The following TAF4 variants were observed in gnomAD, a reference collection of about 807,000 sequenced individuals.
TAF4 encodes transcription initiation factor TFIID subunit 4.
TAF4 carries 9 observed loss-of-function variants against 90.3 expected under a neutral mutation model. The ratio of observed to expected loss-of-function variants is 0.10; its 90% CI spans 0.06 to 0.17. TAF4 has a LOEUF of 0.17. Ranked by LOEUF, TAF4 falls within the 10% of genes least tolerant of loss-of-function variation. The probability of loss-of-function intolerance (pLI) is 1.00; values close to 1 mark genes in which losing one functional copy is unlikely to be tolerated. For synonymous variants in TAF4, 818 were observed against 638.9 expected (o/e 1.28, Z -4.23); for missense variants, 1,351 against 1,370.7 (o/e 0.99, Z 0.23).
Position 62,065,826 on chromosome 20 carries a change from G to T in TAF4, c.-16C>A. On this transcript the variant is annotated 5_prime_UTR_variant, in exon 1 of 15. Coordinates refer to ENST00000252996, the MANE Select transcript of TAF4 (RefSeq NM_003185.4). ...CCGCCGCCATCTTTTTTCCTCGGCC[G>T]CCGCCGCCGCCGCCGCTCGGGCCGA... 2 of 1,257,632 alleles carry T rather than the reference G, an allele frequency of 1.6e-6. No individual in the cohort carries two copies. Among genetic ancestry groups the T allele is most frequent in the East Asian group, 5.9e-5 (1 of 17,042 alleles). The allele number at this position is 1,257,632 out of a possible 1,614,324, so 77.9% of individuals were successfully genotyped here. A position where few individuals can be genotyped will look rare whatever the true frequency, so the allele number is the denominator to read the frequency against.
chr20:61,976,383 G>C, intron 14 of TAF4, 48 bp from the exon 15 acceptor site: 1 of 1,599,888 alleles, frequency 6.3e-7, no homozygotes, highest in Non-Finnish European at 8.5e-7. Context: ...GCTCAGAGTG[G>C]GGCTTGCAAT....
chr20:62,041,768 A>C (rs925100614), intron 1 of TAF4, among the ~76,000 whole-genome samples: 9 of 133,012 alleles, frequency 6.8e-5, no homozygotes, highest in African/African-American at 2.8e-4. Context: ...CCTTCTCTCT[A>C]AAAAAAAAAA....
At chr20:62,025,741 T>A (rs571161857) in intron 1 of TAF4, among the ~76,000 whole-genome samples, 1 of 152,350 alleles carries the variant, frequency 6.6e-6, no homozygotes, top group South Asian at 2.1e-4. Context: ...TATTTTTTTA[T>A]AGCAATGTAA....
chr20:62,007,510 CCCT>C (rs747797193), intron 6 of TAF4, 34 bp downstream of exon 6: 2 of 1,599,228 alleles, frequency 1.3e-6, no homozygotes, highest in Non-Finnish European at 1.7e-6. Context: ...CCCTCCCTGG[CCCT>C]ACTGCTCGCA....
At chr20:62,035,436 CG>C (rs1296793989) in intron 1 of TAF4, among the ~76,000 whole-genome samples, 1 of 152,104 alleles carries the variant, frequency 6.6e-6, no homozygotes, top group Non-Finnish European at 1.5e-5. Flanking sequence ...ATGTTACAGA[CG>C]GGCCATGGAG....
In TAF4 at chr20:62,006,523, T is replaced by G; in HGVS notation, c.2210A>C (p.Gln737Pro). The G allele has an allele frequency of 6.5e-7, 1 of 1,537,260 alleles. No homozygotes were observed. Among genetic ancestry groups the G allele is most frequent in the African/African-American group, 1.4e-5 (1 of 71,834 alleles). ...CCCCTTCCATACCAGCGGTGTGGGT[T>G]GCCCCTGCTTGCCGACGCCGACCTG... ...PTQVGVGKQG[Q>P]PTPLVIQQPP... is the part of the protein sequence containing the mutation. The change falls in exon 7 of 15, where the codon CAA becomes CCA. Residue 737 changes from glutamine to proline, a missense_variant. Physicochemically the swap from Gln to Pro is moderately conservative, Grantham distance 76. Around this residue, in one of 9 missense-constraint regions of TAF4, gnomAD observed 202 missense variants for 229.7 expected, o/e 0.88. Transcript: ENST00000252996. This position sits in a 1 kb window ranked among gnomAD's most constrained non-coding sequence, Gnocchi z 7.0.
intron 1 of TAF4, among the ~76,000 whole-genome samples, chr20:62,025,375 ACT>A (rs2055868919): frequency 6.6e-6 from 1 of 152,194 alleles, no homozygotes; most frequent in Non-Finnish European, 1.5e-5. Flanking sequence ...AGCACAGATG[ACT>A]CTCAAATAAT....
intron 1 of TAF4, among the ~76,000 whole-genome samples, chr20:62,064,091 G>A (rs1327911361): frequency 1.3e-5 from 2 of 152,236 alleles, no homozygotes; most frequent in African/African-American, 2.4e-5. Context: ...CTGGCCCAGG[G>A]AGCCCCTGCG....
intron 14 of TAF4, among the ~76,000 whole-genome samples, chr20:61,977,242 A>G (rs140183438): frequency 0.019 from 2,646 of 136,406 alleles, 113 homozygotes; most frequent in African/African-American, 0.069. Context: ...CGGGGCGCGC[A>G]CCACACACAC....
chr20:62,050,228 C>T (rs766423952), intron 1 of TAF4, among the ~76,000 whole-genome samples: 9 of 152,130 alleles, frequency 5.9e-5, no homozygotes. Context: ...GGAAGGGCTC[C>T]TCCCCCACAT....
rs1163706064 is a variant in TAF4 at position 62,034,135 on chromosome 20, CA to C, written c.1361-19429del. ...CCCCAACAAGCCCAATACCAGAAGA[CA>C]ACAAGGGAATGAAGCACAGGACGTC... On this transcript the variant is annotated intron_variant, in intron 1 of 14. Coordinates refer to ENST00000252996, the MANE Select transcript of TAF4 (RefSeq NM_003185.4). Among the ~76,000 whole-genome samples, 5 of 151,984 alleles carry C rather than the reference CA, an allele frequency of 3.3e-5. No individual in the cohort carries two copies. The East Asian group carries it at 9.7e-4, about 29-fold the overall frequency.
intron 5 of TAF4, among the ~76,000 whole-genome samples, chr20:62,008,581 C>T (rs768178557): frequency 2.0e-5 from 3 of 151,876 alleles, no homozygotes; most frequent in Non-Finnish European, 4.4e-5. Flanking sequence ...GCCACTGGAG[C>T]GCGAATGTGC....
At chr20:61,982,223 C>G (rs2055550547) in intron 14 of TAF4, among the ~76,000 whole-genome samples, 1 of 7,818 alleles carries the variant, frequency 1.3e-4, no homozygotes, top group African/African-American at 4.6e-4. Context: ...ACCAAACCCA[C>G]ACCCACTGAG....
Position 62,010,507 on chromosome 20 carries a change from A to C in TAF4, c.1642-342T>G, listed in dbSNP as rs1412451411. On this transcript the variant is annotated intron_variant, in intron 3 of 14. Coordinates refer to ENST00000252996, the MANE Select transcript of TAF4 (RefSeq NM_003185.4). This position sits in a 1 kb window ranked among gnomAD's most constrained non-coding sequence, Gnocchi z 4.5. ...ACCAGAGTAAATAATCCTAACAGGC[A>C]ACCCAGATCCCCATCTCTCAGAAAT... Among the ~76,000 whole-genome samples, 1 of 152,170 alleles carries C rather than the reference A, an allele frequency of 6.6e-6. No individual in the cohort carries two copies. Among genetic ancestry groups the C allele is most frequent in the East Asian group, 1.9e-4 (1 of 5,178 alleles).
chr20:61,975,342 G>A lies in TAF4; in HGVS notation c.*826C>T, dbSNP rs1248544228. On this transcript the variant is annotated 3_prime_UTR_variant, in exon 15 of 15. Transcript: ENST00000252996. ...CATTTTTCAACACTTGATTCACACC[G>A]AGAAACAGTCTTTTGATGATTCTTC... The A allele has an allele frequency of 1.3e-5, 2 of 151,824 alleles. No individual in the cohort carries two copies. Among genetic ancestry groups the A allele is most frequent in the Non-Finnish European group, 2.9e-5 (2 of 67,952 alleles). 9.4% of individuals were successfully genotyped at this position (151,824 alleles called of 1,614,324 possible).
At chr20:62,049,539 A>G (rs554129777) in intron 1 of TAF4, among the ~76,000 whole-genome samples, 1 of 151,698 alleles carries the variant, frequency 6.6e-6, no homozygotes, top group Non-Finnish European at 1.5e-5. Context: ...CTGCAGAGGA[A>G]GGCCCTGCTC....
At chr20:61,986,822 CG>C (rs2055595488) in intron 14 of TAF4, among the ~76,000 whole-genome samples, 1 of 152,238 alleles carries the variant, frequency 6.6e-6, no homozygotes, top group Non-Finnish European at 1.5e-5. Flanking sequence ...ATAAGGGAGA[CG>C]GGGCAGCTCT....
chr20:61,998,358 A>G (rs1159925105), intron 12 of TAF4, among the ~76,000 whole-genome samples, 166 bp from the exon 13 acceptor site: 2 of 152,252 alleles, frequency 1.3e-5, no homozygotes, highest in Non-Finnish European at 2.9e-5. Flanking sequence ...TACATCACAC[A>G]CCATGAAAAA....
At chr20:62,013,906 GGTGTGT>G (rs56801841) in intron 2 of TAF4, among the ~76,000 whole-genome samples, 5,313 of 107,108 alleles carry the variant, frequency 0.05, 94 homozygotes, top group African/African-American at 0.091. Context: ...GGCTGACGCG[GGTGTGT>G]GTGTGTGTGT....
Sources: gnomAD v4.1 joint callset for allele counts (sites outside exome capture counted in the v4.1 genomes callset) on GRCh38, gnomAD v4.1.1 for gene constraint, gnomAD v4.1.1 regional missense constraint, Gnocchi (gnomAD v3.1) non-coding constraint, MANE v1.5 for transcripts, NCBI Gene and HGNC (gene_info 2026-07-23, HGNC 2026-07-21) for gene names.